Variants in CLCN4 observed in about 807,000 individuals in gnomAD.
CLCN4 encodes H(+)/Cl(-) exchange transporter 4.
In CLCN4, 1 loss-of-function variant was observed where a neutral mutation model predicts 41.7. The observed-to-expected ratio is 0.02, with a 90% confidence interval of 0.01 to 0.11. The LOEUF (loss-of-function observed/expected upper bound fraction) is 0.11, where lower values mean the gene tolerates loss of function less well. CLCN4 is among the 10% of genes least tolerant of loss of function. The pLI is 1.00. For synonymous variants in CLCN4, 277 were observed against 285.8 expected (o/e 0.97, Z 0.31); for missense variants, 287 against 661.0 (o/e 0.43, Z 6.20).
chrX:10,232,866 A>G (rs758578392), intron 12 of CLCN4, among the ~76,000 whole-genome samples: 32 of 111,328 alleles, frequency 2.9e-4, no homozygotes, highest in African/African-American at 1.0e-3. Context: ...AAGAGAAGGC[A>G]ATTTACGTAT....
chrX:10,182,580 C>T, intron 2 of CLCN4, among the ~76,000 whole-genome samples: 1 of 112,815 alleles, frequency 8.9e-6, no homozygotes, highest in Non-Finnish European at 1.9e-5. Flanking sequence ...TGCCTGCCAC[C>T]ACACCTGGCT....
chrX:10,187,672 A>G, intron 4 of CLCN4, 58 bp downstream of exon 4: 3 of 895,099 alleles, frequency 3.4e-6, no homozygotes, highest in Non-Finnish European at 4.9e-6. Flanking sequence ...AAACCTCAAA[A>G]CACGAACCCT....
At chrX:10,228,233 C>A (rs1439450040) in intron 12 of CLCN4, among the ~76,000 whole-genome samples, 4 of 109,636 alleles carry the variant, frequency 3.6e-5, no homozygotes, top group African/African-American at 1.3e-4. Context: ...CCTCCTCCCC[C>A]CTCCCCCATT....
intron 6 of CLCN4, among the ~76,000 whole-genome samples, chrX:10,198,825 G>A (rs1924163570): frequency 8.9e-6 from 1 of 112,027 alleles, no homozygotes; most frequent in Non-Finnish European, 1.9e-5. Context: ...TAAAAGTTCT[G>A]GTATTATCAC....
intron 6 of CLCN4, among the ~76,000 whole-genome samples, chrX:10,198,347 C>T (rs771274542): frequency 1.8e-5 from 2 of 112,378 alleles, no homozygotes; most frequent in Admixed American, 1.9e-4. Flanking sequence ...TGTGCTATTG[C>T]TTCTCAGATG....
At chrX:10,167,709 C>A (rs745549846) in intron 2 of CLCN4, among the ~76,000 whole-genome samples, 1 of 112,883 alleles carries the variant, frequency 8.9e-6, no homozygotes, top group Non-Finnish European at 1.9e-5. Context: ...CCCCGTCCAA[C>A]TTTCAGATGA....
At chrX:10,161,373 T>C (rs1923097081) in intron 2 of CLCN4, among the ~76,000 whole-genome samples, 1 of 111,833 alleles carries the variant, frequency 8.9e-6, no homozygotes, top group African/African-American at 3.3e-5. Context: ...CCTGTGTGCC[T>C]CCAGTGGGCT....
At chrX:10,215,852 G>A (rs757868029) in intron 11 of CLCN4, among the ~76,000 whole-genome samples, 1 of 111,948 alleles carries the variant, frequency 8.9e-6, no homozygotes, top group East Asian at 2.8e-4. Context: ...TGTCTGAAGA[G>A]GCACCACACG....
chrX:10,233,046 A>G (rs1427968609), intron 12 of CLCN4, among the ~76,000 whole-genome samples: 1 of 112,192 alleles, frequency 8.9e-6, no homozygotes, highest in Non-Finnish European at 1.9e-5. Flanking sequence ...AATTGATTAT[A>G]GTCTTGAAAT....
chrX:10,157,462 A>G (rs1922981522), intron 1 of CLCN4, among the ~76,000 whole-genome samples: 1 of 112,831 alleles, frequency 8.9e-6, no homozygotes, highest in Non-Finnish European at 1.9e-5. Context: ...AAATGAATCT[A>G]TTTGCAATTG....
intron 3 of CLCN4, among the ~76,000 whole-genome samples, chrX:10,186,322 T>C (rs938887501): frequency 2.7e-5 from 3 of 110,982 alleles, no homozygotes; most frequent in African/African-American, 9.9e-5. Context: ...GGCGTGGGTG[T>C]GCAGAGACAG....
chrX:10,204,777 G>A (rs1924335252), intron 6 of CLCN4, among the ~76,000 whole-genome samples: 1 of 109,385 alleles, frequency 9.1e-6, no homozygotes. Context: ...CTGTCATTTT[G>A]CTCTTGTAGG....
intron 4 of CLCN4, among the ~76,000 whole-genome samples, 160 bp downstream of exon 4, chrX:10,187,774 G>A (rs754762135): frequency 6.2e-5 from 7 of 112,619 alleles, no homozygotes; most frequent in Non-Finnish European, 1.3e-4. Flanking sequence ...CAAAATGCAT[G>A]GCTGTATATT....
chrX:10,216,811 G>A lies in CLCN4; in HGVS notation c.1975+2732G>A, dbSNP rs780462920. Among the ~76,000 whole-genome samples, 105 of 99,407 alleles carry A rather than the reference G, an allele frequency of 1.1e-3. 2 individuals are homozygous for A. Among genetic ancestry groups the A allele is most frequent in the Middle Eastern group, 5.1e-3 (1 of 196 alleles). The allele number at this position is 99,407 out of a possible 115,157, so 86.3% of individuals were successfully genotyped here. On this transcript the variant is annotated intron_variant, in intron 11 of 12. Transcript: ENST00000380833. ...ACAAGGGAGAAAGAGGTTTCTGCCC[G>A]GGAGGGCTGTTAGTTACTGGACTAG...
intron 2 of CLCN4, among the ~76,000 whole-genome samples, chrX:10,176,700 A>G (rs921686256): frequency 3.6e-5 from 4 of 111,902 alleles, no homozygotes; most frequent in African/African-American, 1.3e-4. Context: ...AATCTGAGTT[A>G]TGACTTTCCG....
intron 4 of CLCN4, among the ~76,000 whole-genome samples, chrX:10,191,692 A>ATTTTGTTTTTTTTTTTTTT (rs1923965599): frequency 2.0e-5 from 1 of 49,771 alleles, no homozygotes; most frequent in African/African-American, 9.2e-5. Flanking sequence ...TATCTGGTTA[A>ATTTTGTTTTTTTTTTTTTT]TTTTTTTTTT....
chrX:10,210,405 C>T (rs1167326946), intron 9 of CLCN4, among the ~76,000 whole-genome samples: 1 of 111,552 alleles, frequency 9.0e-6, no homozygotes, highest in African/African-American at 3.3e-5. Flanking sequence ...CACCCAGGAC[C>T]AGAAGCAGAA....
At chrX:10,192,916 G>A (rs999760968) in intron 4 of CLCN4, among the ~76,000 whole-genome samples, 6 of 112,427 alleles carry the variant, frequency 5.3e-5, no homozygotes, top group African/African-American at 1.9e-4. Flanking sequence ...TGCTTTCCCA[G>A]ATTTCTAGTT....
At chrX:10,204,613 CTTTTTTTT>C (rs61453535) in intron 6 of CLCN4, among the ~76,000 whole-genome samples, 93 of 27,320 alleles carry the variant, frequency 3.4e-3, no homozygotes, top group African/African-American at 5.5e-3. Context: ...AGCTAGTAGT[CTTTTTTTT>C]TTTTTTTTTT....
Sources: allele counts gnomAD v4.1 joint callset (sites outside exome capture counted in the v4.1 genomes callset), GRCh38; gene constraint gnomAD v4.1.1; transcripts MANE v1.5; gene names NCBI Gene and HGNC (gene_info 2026-07-23, HGNC 2026-07-21).